Variants in ESCO2 observed in about 807,000 individuals in gnomAD.
ESCO2 encodes N-acetyltransferase ESCO2.
ESCO2 carries 51 observed loss-of-function variants against 61.7 expected under a neutral mutation model. The observed-to-expected ratio is 0.83, with a 90% CI of 0.66 to 1.04. ESCO2 has a LOEUF of 1.04. Among genes scored for constraint, ESCO2 ranks in the 50% least tolerant of loss-of-function variants. The probability of loss-of-function intolerance (pLI) is 0.00; values close to 1 mark genes in which losing one functional copy is unlikely to be tolerated. For synonymous variants in ESCO2, 230 were observed against 238.2 expected (o/e 0.97, Z 0.32); for missense variants, 692 against 686.2 (o/e 1.01, Z -0.09).
the ESCO2 span, among the ~76,000 whole-genome samples, chr8:27,818,139 A>T: frequency 3.3e-5 from 5 of 152,202 alleles, no homozygotes; most frequent in Admixed American, 6.5e-5. Context: ...GACACAGAAC[A>T]AGGTGCTAAT....
At chr8:27,788,742 G>GAA in intron 6 of ESCO2, 105 bp from the exon 7 acceptor site, 10 of 1,328,026 alleles carry the variant, frequency 7.5e-6, no homozygotes, top group Non-Finnish European at 9.5e-6. Flanking sequence ...GTGTCAGCAG[G>GAA]AAAAAAAAAA....
chr8:27,790,620 C>G (rs960706129), intron 7 of ESCO2, among the ~76,000 whole-genome samples: 1 of 152,064 alleles, frequency 6.6e-6, no homozygotes. Flanking sequence ...AACATCATCT[C>G]AGTCCCAAAA....
At chr8:27,801,928 A>T (rs1805434945) in intron 10 of ESCO2, among the ~76,000 whole-genome samples, 1 of 142,916 alleles carries the variant, frequency 7.0e-6, no homozygotes, top group African/African-American at 2.6e-5. Context: ...TTGACAGTCC[A>T]TATTTCACTT....
At chr8:27,798,477 T>G (rs959287801) in intron 9 of ESCO2, among the ~76,000 whole-genome samples, 1 of 148,620 alleles carries the variant, frequency 6.7e-6, no homozygotes, top group South Asian at 2.1e-4. Flanking sequence ...AAAAAAAAAC[T>G]AAACATGTAT....
chr8:27,786,679 G>A (rs1283417566), intron 5 of ESCO2, among the ~76,000 whole-genome samples: 1 of 151,926 alleles, frequency 6.6e-6, no homozygotes, highest in Non-Finnish European at 1.5e-5. Context: ...CATGTGAAAT[G>A]TATTTCTTAG....
chr8:27,802,949 G>T (rs1805482545), intron 10 of ESCO2, among the ~76,000 whole-genome samples: 2 of 151,638 alleles, frequency 1.3e-5, no homozygotes, highest in Admixed American at 6.6e-5. Context: ...GTTTCACCGT[G>T]TTAGGATAGT....
intron 4 of ESCO2, 96 bp from the exon 5 acceptor site, chr8:27,783,904 T>C (rs1174461286): frequency 8.9e-7 from 1 of 1,118,550 alleles, no homozygotes; most frequent in East Asian, 2.4e-5. Context: ...ATCTTGATCT[T>C]GAGTATTATT....
intron 4 of ESCO2, among the ~76,000 whole-genome samples, chr8:27,782,412 C>T (rs903217471): frequency 6.6e-6 from 1 of 152,154 alleles, no homozygotes; most frequent in African/African-American, 2.4e-5. Flanking sequence ...CAGGTGTCTG[C>T]CACCATGCCC....
chr8:27,817,550 T>G (rs1805841938), downstream of ESCO2, among the ~76,000 whole-genome samples: 1 of 145,642 alleles, frequency 6.9e-6, no homozygotes, highest in African/African-American at 2.6e-5. Context: ...GTTTTAACCC[T>G]GTTTTTTTTT....
In ESCO2 at chr8:27,804,555, G is replaced by C; in HGVS notation, c.*1117G>C. 1.0e-6 allele frequency: 1 copy of C among 985,302 alleles called. No homozygotes were observed. The highest frequency in any genetic ancestry group is 1.2e-6 in the Non-Finnish European group (1 of 829,890). 61.0% of individuals were successfully genotyped at this position (985,302 alleles called of 1,614,324 possible). A position where few individuals can be genotyped will look rare whatever the true frequency, so the allele number is the denominator to read the frequency against. On this transcript the variant is annotated 3_prime_UTR_variant, in exon 11 of 11. Transcript: ENST00000305188. ...ACACATTTTTCTAGTGTAATTCTTGGATACTTTAAAAAGCAAAACATTGTT... is the reference window on the plus strand; with the variant it reads ...ACACATTTTTCTAGTGTAATTCTTGCATACTTTAAAAAGCAAAACATTGTT...
At chr8:27,816,343 C>CTATATATATATATATATATATA (rs767822258), downstream of ESCO2, among the ~76,000 whole-genome samples, 8 of 136,368 alleles carry the variant, frequency 5.9e-5, no homozygotes, top group Non-Finnish European at 7.7e-5. Flanking sequence ...TCATCGAATA[C>CTATATATATATATATATATATA]TATATATATA....
At chr8:27,812,085 T>C (rs1805697955), downstream of ESCO2, 1 of 152,148 alleles carries the variant, frequency 6.6e-6, no homozygotes, top group South Asian at 2.1e-4. Context: ...TTGCCTTATT[T>C]TAGTGGCTAG....
At chr8:27,796,048 A>G (rs976686645) in intron 9 of ESCO2, among the ~76,000 whole-genome samples, 1 of 150,550 alleles carries the variant, frequency 6.6e-6, no homozygotes, top group African/African-American at 2.4e-5. Flanking sequence ...AGAATTTAGC[A>G]GTGATGTCAT....
intron 9 of ESCO2, among the ~76,000 whole-genome samples, chr8:27,794,031 A>G (rs1309693641): frequency 1.3e-5 from 2 of 151,986 alleles, no homozygotes; most frequent in Non-Finnish European, 2.9e-5. Context: ...ACTTAGCATG[A>G]TGTCCTCCAG....
At chr8:27,799,849 A>G in intron 10 of ESCO2, 133 bp downstream of exon 10, 2 of 1,092,210 alleles carry the variant, frequency 1.8e-6, no homozygotes, top group Non-Finnish European at 2.7e-6. Flanking sequence ...AGGCTAAGGA[A>G]GGTATTGGTA....
chr8:27,791,049 A>G (rs1468309117), intron 7 of ESCO2, among the ~76,000 whole-genome samples: 2 of 152,146 alleles, frequency 1.3e-5, no homozygotes, highest in Non-Finnish European at 2.9e-5. Context: ...ACCTATTCGA[A>G]TTTTTATTCA....
downstream of ESCO2, among the ~76,000 whole-genome samples, chr8:27,813,629 T>TTG (rs1311294924): frequency 6.6e-6 from 1 of 152,130 alleles, no homozygotes; most frequent in Non-Finnish European, 1.5e-5. Flanking sequence ...TACCATTTTT[T>TTG]TGTGTGTGTG....
chr8:27,784,067 G>A lies in ESCO2; in HGVS notation c.1013+10G>A. 6.2e-7 allele frequency: 1 copy of A among 1,612,030 alleles called. No individual in the cohort carries two copies. Among genetic ancestry groups the A allele is most frequent in the Non-Finnish European group, 8.5e-7 (1 of 1,178,374 alleles). On this transcript the variant is annotated intron_variant, in intron 5 of 10. Coordinates refer to ENST00000305188, the MANE Select transcript of ESCO2 (RefSeq NM_001017420.3). ...CAGTCAATTCAAAAAGGTGAGAATT[G>A]TTATTGTTTTAAAGTCCAAGCCTTG...
intron 10 of ESCO2, among the ~76,000 whole-genome samples, chr8:27,803,058 C>T (rs762610904): frequency 3.9e-5 from 6 of 152,104 alleles, no homozygotes; most frequent in Non-Finnish European, 8.8e-5. Flanking sequence ...ATATTAGTTG[C>T]TCTTTACCAT....
Sources: allele counts gnomAD v4.1 joint callset (sites outside exome capture counted in the v4.1 genomes callset), GRCh38; gene constraint gnomAD v4.1.1; transcripts MANE v1.5; gene names NCBI Gene and HGNC (gene_info 2026-07-23, HGNC 2026-07-21).